TASP1: variants seen among roughly 807,000 people sequenced by gnomAD.
The protein encoded by TASP1 is taspase 1.
In TASP1, 16 loss-of-function variants were observed where a neutral mutation model predicts 56.6. The observed-to-expected ratio is 0.28, with a 90% confidence interval of 0.19 to 0.43. TASP1 has a LOEUF of 0.43. TASP1 is among the 20% of genes least tolerant of loss of function. The pLI is 1.00. For synonymous variants in TASP1, 179 were observed against 184.2 expected (o/e 0.97, Z 0.23); for missense variants, 393 against 511.6 (o/e 0.77, Z 2.24).
At chr20:13,613,392 G>A (rs1600166756) in intron 4 of TASP1, among the ~76,000 whole-genome samples, 1 of 152,034 alleles carries the variant, frequency 6.6e-6, no homozygotes, top group Non-Finnish European at 1.5e-5. Context: ...GAATATGAAC[G>A]TGTTGTGCCG....
At chr20:13,221,131 A>T in the TASP1 span, among the ~76,000 whole-genome samples, 2 of 151,106 alleles carry the variant, frequency 1.3e-5, no homozygotes, top group Non-Finnish European at 2.9e-5. Flanking sequence ...AGAGTAGTGG[A>T]GGTGGCTTGC....
the TASP1 span, among the ~76,000 whole-genome samples, chr20:13,373,970 T>C: frequency 1.3e-5 from 2 of 152,176 alleles, no homozygotes; most frequent in Admixed American, 6.5e-5. Context: ...GTATAATCCC[T>C]ATCAGTCTAT....
chr20:13,220,648 C>T, the TASP1 span, among the ~76,000 whole-genome samples: 1 of 152,252 alleles, frequency 6.6e-6, no homozygotes, highest in Non-Finnish European at 1.5e-5. Flanking sequence ...GACTCCCCTC[C>T]CTTCCCAGGC....
At chr20:13,512,844 T>C (rs912044650) in intron 10 of TASP1, among the ~76,000 whole-genome samples, 3 of 152,210 alleles carry the variant, frequency 2.0e-5, no homozygotes. Context: ...CCCGGCACCA[T>C]TTATTAAATA....
chr20:13,617,561 G>C (rs2048565634), intron 4 of TASP1, among the ~76,000 whole-genome samples: 1 of 152,176 alleles, frequency 6.6e-6, no homozygotes, highest in Non-Finnish European at 1.5e-5. Flanking sequence ...GCTCTACTGG[G>C]GGGCAGGGGG....
At chr20:13,613,416 C>G (rs1265419760) in intron 4 of TASP1, among the ~76,000 whole-genome samples, 1 of 152,088 alleles carries the variant, frequency 6.6e-6, no homozygotes, top group Non-Finnish European at 1.5e-5. Flanking sequence ...ACACAGAAAA[C>G]ATGCAGTTCC....
chr20:13,163,223 C>A, the TASP1 span, among the ~76,000 whole-genome samples: 9 of 152,016 alleles, frequency 5.9e-5, no homozygotes, highest in African/African-American at 1.7e-4. Flanking sequence ...CAAAAATTAG[C>A]CAGGCGTAGT....
intron 11 of TASP1, among the ~76,000 whole-genome samples, chr20:13,451,505 GCTT>G (rs1013595539): frequency 5.9e-5 from 9 of 152,036 alleles, no homozygotes; most frequent in African/African-American, 2.2e-4. Flanking sequence ...AGGACTTGTT[GCTT>G]CTTCTTGCAT....
the TASP1 span, among the ~76,000 whole-genome samples, chr20:13,132,446 G>A: frequency 6.6e-6 from 1 of 151,964 alleles, no homozygotes; most frequent in African/African-American, 2.4e-5. Flanking sequence ...CAAAGTACTG[G>A]GATTACAGGC....
At chr20:13,433,851 A>C (rs902198223) in intron 12 of TASP1, among the ~76,000 whole-genome samples, 20 of 151,484 alleles carry the variant, frequency 1.3e-4, no homozygotes, top group African/African-American at 4.4e-4. Context: ...TAAAAAAAAA[A>C]AAAAAAAAAC....
chr20:13,527,547 T>A (rs977955623), intron 10 of TASP1, among the ~76,000 whole-genome samples: 3 of 152,080 alleles, frequency 2.0e-5, no homozygotes, highest in Admixed American at 2.0e-4. Flanking sequence ...AGTATGGAAA[T>A]AGACAACAAC....
the TASP1 span, among the ~76,000 whole-genome samples, chr20:13,228,115 G>A: frequency 1.3e-5 from 2 of 151,804 alleles, no homozygotes; most frequent in African/African-American, 4.8e-5. Flanking sequence ...TGGGATTACA[G>A]GTACCCACCA....
chr20:13,437,164 T>C (rs2043034196), intron 11 of TASP1, among the ~76,000 whole-genome samples: 1 of 152,068 alleles, frequency 6.6e-6, no homozygotes, highest in Admixed American at 6.5e-5. Context: ...TCCACCATGA[T>C]CAAGTGGGCT....
the TASP1 span, chr20:13,368,576 T>C: frequency 6.6e-6 from 1 of 152,220 alleles, no homozygotes; most frequent in Admixed American, 6.5e-5. Flanking sequence ...GGCAGAGCAG[T>C]CTTCTGCATT....
At chr20:13,118,084 A>C in the TASP1 span, among the ~76,000 whole-genome samples, 2 of 152,176 alleles carry the variant, frequency 1.3e-5, no homozygotes. Context: ...GCCATATTTA[A>C]CACACAGAGA....
the TASP1 span, among the ~76,000 whole-genome samples, chr20:13,144,155 T>A: frequency 6.6e-6 from 1 of 152,170 alleles, no homozygotes; most frequent in Non-Finnish European, 1.5e-5. Flanking sequence ...ACTCATCCCT[T>A]TCCTCCCCAT....
At chr20:13,282,067 A>C in the TASP1 span, among the ~76,000 whole-genome samples, 2 of 152,136 alleles carry the variant, frequency 1.3e-5, no homozygotes, top group Non-Finnish European at 2.9e-5. Context: ...CAAGCCCTCC[A>C]GGCACTCTGC....
chr20:13,589,162 A>G (rs1382249704), intron 4 of TASP1, among the ~76,000 whole-genome samples: 1 of 146,864 alleles, frequency 6.8e-6, no homozygotes, highest in Non-Finnish European at 1.5e-5. Context: ...GGTTCACGCC[A>G]TTCTCCTGCC....
chr20:13,332,747 G>A, the TASP1 span, among the ~76,000 whole-genome samples: 1 of 152,188 alleles, frequency 6.6e-6, no homozygotes, highest in South Asian at 2.1e-4. Flanking sequence ...AGCATATGTG[G>A]TTGGCTAACA....
Sources: allele counts gnomAD v4.1 joint callset (sites outside exome capture counted in the v4.1 genomes callset), GRCh38; gene constraint gnomAD v4.1.1; transcripts MANE v1.5; gene names NCBI Gene and HGNC (gene_info 2026-07-23, HGNC 2026-07-21).